The following H1-8 variants were observed in gnomAD, a reference collection of about 807,000 sequenced individuals.
The protein encoded by H1-8 is histone H1.8.
A neutral mutation model predicts 19.5 loss-of-function variants in H1-8; 13 were observed. The ratio of observed to expected loss-of-function variants is 0.67; its 90% confidence interval spans 0.43 to 1.06. H1-8 has a LOEUF of 1.06. Ranked by LOEUF, H1-8 falls within the 50% of genes least tolerant of loss-of-function variation. The probability of loss-of-function intolerance (pLI) is 0.00; values close to 1 mark genes in which losing one functional copy is unlikely to be tolerated. For synonymous variants in H1-8, 193 were observed against 187.6 expected, an observed-to-expected ratio of 1.03 and a Z score of -0.24; for missense variants, 432 against 459.8, an observed-to-expected ratio of 0.94 and a Z score of 0.55.
chr3:129,549,083 G>A lies in H1-8; in HGVS notation c.461G>A (p.Gly154Glu). 6.2e-7 allele frequency: 1 copy of A among 1,610,062 alleles called. No individual in the cohort carries two copies. Among genetic ancestry groups the A allele is most frequent in the Non-Finnish European group, 8.5e-7 (1 of 1,177,782 alleles). ...CCCAGGAGAGCGGGTGAGGCCAAGG[G>A]GAAGGGCCCCAAGAAACCAAGTGAG... Reference protein sequence around the residue: ...TAPRRAGEAKGKGPKKPSEAK... With the variant: ...TAPRRAGEAKEKGPKKPSEAK... The change falls in exon 3 of 5, where the codon GGG (glycine) becomes GAG (glutamate). Residue 154 changes from glycine (G) to glutamate (E), a missense_variant. Transcript: ENST00000324382.
chr3:129,547,431 CAGCAG>C lies in H1-8; in HGVS notation c.130_134del (p.Ser44ProfsTer106). 6.5e-7 allele frequency: 1 copy of C among 1,533,884 alleles called. No individual in the cohort carries two copies. Among genetic ancestry groups the C allele is most frequent in the Non-Finnish European group, 8.8e-7 (1 of 1,141,410 alleles). On this transcript the variant is annotated frameshift_variant, in exon 2 of 5. Coordinates refer to ENST00000324382, the MANE Select transcript of H1-8 (RefSeq NM_153833.3). LOFTEE classifies it high-confidence loss of function. ...GTGTCCCACCAGGAGGCCCGAGCCA[CAGCAG>C]CCTCCCGGTGGGACGCCGCCACCCC...
intron 1 of H1-8, among the ~76,000 whole-genome samples, chr3:129,546,682 AT>A (rs1321874942): frequency 6.6e-6 from 1 of 152,128 alleles, no homozygotes; most frequent in Non-Finnish European, 1.5e-5. Context: ...GGGAATGAGC[AT>A]TTGGTTGAGA....
intron 1 of H1-8, among the ~76,000 whole-genome samples, chr3:129,546,965 C>T (rs1231768249): frequency 2.6e-5 from 4 of 152,076 alleles, no homozygotes; most frequent in South Asian, 2.1e-4. Context: ...TTTGGGAGGC[C>T]GAGGCGGGTG....
intron 1 of H1-8, among the ~76,000 whole-genome samples, chr3:129,544,677 G>A (rs901535425): frequency 6.6e-6 from 1 of 152,038 alleles, no homozygotes; most frequent in African/African-American, 2.4e-5. Flanking sequence ...AGGACTCCTG[G>A]GGGTGGCTCT....
chr3:129,550,872 TC>T (rs1168004395), intron 4 of H1-8, 63 bp downstream of exon 4: 1 of 1,438,030 alleles, frequency 7.0e-7, no homozygotes, highest in Non-Finnish European at 9.7e-7. Flanking sequence ...AGCTTGGGCA[TC>T]CCACACTCAG....
rs1234964308 is a variant in H1-8, at chr3:129,549,045, CCCCGCGACGGCT to C, written c.427_438del (p.Ala143_Pro146del). 6.2e-7 allele frequency: 1 copy of C among 1,612,824 alleles called. No individual in the cohort carries two copies. Among genetic ancestry groups the C allele is most frequent in the South Asian group, 1.1e-5 (1 of 90,958 alleles). ...AGAAAATCCAGCCCAGGAAGATGGC[CCCCGCGACGGCT>C]CCCAGGAGAGCGGGTGAGGCCAAGG... On this transcript the variant is annotated inframe_deletion, in exon 3 of 5. Coordinates refer to ENST00000324382, the MANE Select transcript of H1-8 (RefSeq NM_153833.3).
chr3:129,548,464 T>C, intron 2 of H1-8: 1 of 986,838 alleles, frequency 1.0e-6, no homozygotes, highest in Non-Finnish European at 1.2e-6. Context: ...GTGCTGGCAG[T>C]TGAGGGGTGA....
At position 129,547,621 on chromosome 3, in the gene H1-8, C is replaced by T. The variant is rs758365354; in HGVS notation, c.319C>T (p.Arg107Cys). Residue 107 changes from arginine (R) to cysteine (C), a missense_variant, in exon 2 of 5, where the codon CGT becomes TGT. Transcript: ENST00000324382. Reference protein sequence around the residue: ...LKQALATGMRRGLLARPLNSK... With the variant: ...LKQALATGMRCGLLARPLNSK... ...GCAGGCGCTGGCCACTGGCATGCGC[C>T]GTGGCCTCCTCGCCAGGCCCCTCAA... 2.3e-5 allele frequency: 36 copies of T among 1,550,140 alleles called. No individual in the cohort carries two copies. Among genetic ancestry groups the T allele is most frequent in the African/African-American group, 8.2e-5 (6 of 73,166 alleles).
intron 1 of H1-8, among the ~76,000 whole-genome samples, chr3:129,546,725 C>A (rs1032680109): frequency 6.6e-6 from 1 of 152,146 alleles, no homozygotes; most frequent in Non-Finnish European, 1.5e-5. Context: ...CCATAGGGTG[C>A]CCCTCCCACT....
At chr3:129,549,518 C>G (rs886954103) in intron 3 of H1-8, among the ~76,000 whole-genome samples, 154 bp downstream of exon 3, 1 of 150,734 alleles carries the variant, frequency 6.6e-6, no homozygotes, top group Non-Finnish European at 1.5e-5. Context: ...CTCATGGTAG[C>G]TGGTTGGGGG....
At chr3:129,548,145 T>C (rs2084904242) in intron 2 of H1-8, among the ~76,000 whole-genome samples, 1 of 152,140 alleles carries the variant, frequency 6.6e-6, no homozygotes, top group Non-Finnish European at 1.5e-5. Flanking sequence ...CACCCCAACA[T>C]CAGGACTGTC....
At chr3:129,547,320 C>A in intron 1 of H1-8, 71 bp from the exon 2 acceptor site, 3 of 1,425,592 alleles carry the variant, frequency 2.1e-6, no homozygotes, top group Non-Finnish European at 2.8e-6. Context: ...CACCCACCCC[C>A]CACGGGCCAG....
chr3:129,544,629 G>A (rs151045075), intron 1 of H1-8, among the ~76,000 whole-genome samples: 284 of 152,052 alleles, frequency 1.9e-3, no homozygotes, highest in African/African-American at 6.5e-3. Flanking sequence ...AATAGCTGCC[G>A]AATGAGGGGC....
rs181912234 is a variant in H1-8 at position 129,547,263 on chromosome 3, G to A, written c.89-128G>A. 426 of 922,408 alleles carry A rather than the reference G, an allele frequency of 4.6e-4. 1 individual carries two copies. The African/African-American group carries it at 5.8e-3, about 13-fold the overall frequency. 57.1% of individuals were successfully genotyped at this position (922,408 alleles called of 1,614,324 possible). On this transcript the variant is annotated intron_variant, in intron 1 of 4. Coordinates refer to ENST00000324382, the MANE Select transcript of H1-8 (RefSeq NM_153833.3). Reference sequence around the variant, plus strand: ...ACCATCCGGGAGCTCCCATGCCAGCGGTCAGTGTCTTGGGGAGAGGGGGGC... The same window carrying A: ...ACCATCCGGGAGCTCCCATGCCAGCAGTCAGTGTCTTGGGGAGAGGGGGGC...
In H1-8 at chr3:129,550,774, G is replaced by C. The variant is rs775120717; in HGVS notation, c.772G>C (p.Ala258Pro). Residue 258 changes from alanine (A) to proline (P), a missense_variant, in exon 4 of 5, where the codon GCT becomes CCT. Coordinates refer to ENST00000324382, the MANE Select transcript of H1-8 (RefSeq NM_153833.3). ...TGCTGAGGCCTACAGGAAAACCAAA[G>C]CTGAGAGTAAGAGTTCAAAACCCAC... is the stretch of plus-strand genomic sequence containing the variant. ...GDAEAYRKTKAESKSSKPTAS... is the reference protein window; with the variant it reads ...GDAEAYRKTKPESKSSKPTAS... The C allele has an allele frequency of 1.2e-6, 2 of 1,613,932 alleles. No individual in the cohort carries two copies. The highest frequency in any genetic ancestry group is 2.7e-5 in the African/African-American group (2 of 74,912).
In H1-8 at chr3:129,551,253, G is replaced by C; in HGVS notation, c.954G>C (p.Lys318Asn). 5 of 1,614,200 alleles carry C rather than the reference G, an allele frequency of 3.1e-6. No homozygotes were observed. The highest frequency in any genetic ancestry group is 4.2e-6 in the Non-Finnish European group (5 of 1,180,032). ...TGGTACCTGCACATTTGTCCAGGAAGACAGAGGCCCCCAAGGGCCCTAGAA... is the reference window on the plus strand; with the variant it reads ...TGGTACCTGCACATTTGTCCAGGAACACAGAGGCCCCCAAGGGCCCTAGAA... ...SKVVPAHLSR[K>N]TEAPKGPRKA... The change falls in exon 5 of 5, where the codon AAG becomes AAC. Residue 318 changes from lysine to asparagine, a missense_variant. Physicochemically the swap from Lys to Asn is moderately conservative, Grantham distance 94. Transcript: ENST00000324382.
chr3:129,543,693 G>A (rs573311933), intron 1 of H1-8, among the ~76,000 whole-genome samples: 1 of 152,312 alleles, frequency 6.6e-6, no homozygotes, highest in South Asian at 2.1e-4. Flanking sequence ...TAGGCATTCC[G>A]ATTTTCAACC....
chr3:129,550,122 T>C (rs1300520126), intron 3 of H1-8, among the ~76,000 whole-genome samples: 2 of 152,010 alleles, frequency 1.3e-5, no homozygotes, highest in Non-Finnish European at 1.5e-5. Context: ...AGGGCTAGAG[T>C]TATTATTTTT....
At chr3:129,543,622 C>T (rs952979906) in intron 1 of H1-8, among the ~76,000 whole-genome samples, 5 of 151,306 alleles carry the variant, frequency 3.3e-5, no homozygotes, top group Non-Finnish European at 5.9e-5. Context: ...TAGCCCGTAG[C>T]CAGGCTGCAG....
Sources: allele counts gnomAD v4.1 joint callset (sites outside exome capture counted in the v4.1 genomes callset), GRCh38; gene constraint gnomAD v4.1.1; transcripts MANE v1.5; gene names NCBI Gene and HGNC (gene_info 2026-07-23, HGNC 2026-07-21).